Variants in CIMAP2 observed in about 807,000 individuals in gnomAD.
CIMAP2 encodes ciliary microtubule-associated protein 2.
chr1:54,826,194 G>T, the CIMAP2 span, among the ~76,000 whole-genome samples: 1 of 152,322 alleles, frequency 6.6e-6, no homozygotes, highest in African/African-American at 2.4e-5. Flanking sequence ...CAGGTGTGCA[G>T]CAGCTCTGCC....
chr1:54,820,186 C>T, the CIMAP2 span, among the ~76,000 whole-genome samples: 1 of 144,698 alleles, frequency 6.9e-6, no homozygotes, highest in Non-Finnish European at 1.5e-5. Flanking sequence ...TTTCTGCTTT[C>T]TTTCTCTCTC....
the CIMAP2 span, chr1:54,811,765 G>GCCGGGGGGGGGGGCCCCCCCCCCCCC: frequency 2.0e-5 from 26 of 1,301,292 alleles, no homozygotes; most frequent in East Asian, 5.0e-5. Flanking sequence ...GGTTCTGACA[G>GCCGGGGGGGGGGGCCCCCCCCCCCCC]CCTCCATGCC....
chr1:54,834,036 C>T, the CIMAP2 span, among the ~76,000 whole-genome samples: 2 of 152,124 alleles, frequency 1.3e-5, no homozygotes, highest in Admixed American at 6.5e-5. Context: ...TGGGGTTTCA[C>T]CATGTTGGCC....
the CIMAP2 span, chr1:54,807,540 T>C: frequency 6.3e-7 from 1 of 1,578,040 alleles, no homozygotes; most frequent in Non-Finnish European, 8.6e-7. Flanking sequence ...ACATAGGCCC[T>C]GGGACTTACA....
chr1:54,811,765 G>GCCGGGGGGGGCCCCCCCCCCC, the CIMAP2 span: 8 of 1,301,318 alleles, frequency 6.1e-6, no homozygotes, highest in East Asian at 2.5e-5. Flanking sequence ...GGTTCTGACA[G>GCCGGGGGGGGCCCCCCCCCCC]CCTCCATGCC....
chr1:54,825,934 C>T, the CIMAP2 span, among the ~76,000 whole-genome samples: 1 of 152,042 alleles, frequency 6.6e-6, no homozygotes, highest in Non-Finnish European at 1.5e-5. Flanking sequence ...GTCCCTGGGC[C>T]CCTGGGAGAT....
the CIMAP2 span, chr1:54,811,763 C>CCGGGGGGGGGGGGGGGGGGGGG: frequency 7.8e-7 from 1 of 1,280,768 alleles, no homozygotes; most frequent in Non-Finnish European, 1.1e-6. Flanking sequence ...GTGGTTCTGA[C>CCGGGGGGGGGGGGGGGGGGGGG]AGCCTCCATG....
At chr1:54,840,997 G>T in the CIMAP2 span, among the ~76,000 whole-genome samples, 1 of 152,210 alleles carries the variant, frequency 6.6e-6, no homozygotes. Flanking sequence ...CTCAATAGTA[G>T]AAATGAGAAA....
the CIMAP2 span, chr1:54,811,838 A>C: frequency 6.3e-7 from 1 of 1,597,702 alleles, no homozygotes; most frequent in Non-Finnish European, 8.5e-7. Context: ...AGGGTAACCC[A>C]TACACCAAGC....
chr1:54,808,897 A>G, the CIMAP2 span, among the ~76,000 whole-genome samples: 1 of 27,212 alleles, frequency 3.7e-5, no homozygotes, highest in Non-Finnish European at 8.9e-5. Flanking sequence ...AGCCCCTCAT[A>G]TAGGCCATGC....
At chr1:54,832,322 A>G in the CIMAP2 span, among the ~76,000 whole-genome samples, 1 of 152,078 alleles carries the variant, frequency 6.6e-6, no homozygotes, top group Non-Finnish European at 1.5e-5. Context: ...GAACATTTAT[A>G]AAAATTGATC....
At chr1:54,837,037 C>T in the CIMAP2 span, among the ~76,000 whole-genome samples, 1 of 152,052 alleles carries the variant, frequency 6.6e-6, no homozygotes, top group Non-Finnish European at 1.5e-5. Context: ...TTTGCCTTCT[C>T]ATATCTGAAT....
the CIMAP2 span, among the ~76,000 whole-genome samples, chr1:54,820,599 TC>T: frequency 6.6e-6 from 1 of 152,152 alleles, no homozygotes; most frequent in Non-Finnish European, 1.5e-5. Context: ...ATTTGTTACT[TC>T]TTGTCTTTTT....
chr1:54,836,099 C>T, the CIMAP2 span, among the ~76,000 whole-genome samples: 6 of 151,928 alleles, frequency 3.9e-5, no homozygotes, highest in African/African-American at 4.8e-5. Context: ...CCCCTCAAAC[C>T]CCTCTGCATG....
the CIMAP2 span, chr1:54,811,765 G>GCGGGCGGGGGGGGGGCCCCCCCCC: frequency 7.7e-7 from 1 of 1,301,332 alleles, no homozygotes; most frequent in Non-Finnish European, 1.1e-6. Context: ...GGTTCTGACA[G>GCGGGCGGGGGGGGGGCCCCCCCCC]CCTCCATGCC....
the CIMAP2 span, among the ~76,000 whole-genome samples, chr1:54,829,653 A>G: frequency 2.0e-5 from 3 of 152,154 alleles, no homozygotes; most frequent in Non-Finnish European, 2.9e-5. Context: ...CCATTCCCTC[A>G]CTGAAAATTT....
chr1:54,818,721 A>G, the CIMAP2 span, among the ~76,000 whole-genome samples: 1 of 151,916 alleles, frequency 6.6e-6, no homozygotes, highest in Non-Finnish European at 1.5e-5. Flanking sequence ...CCTCCAAAGT[A>G]GCTGGGATTA....
At chr1:54,807,897 G>A in the CIMAP2 span, 2 of 1,584,958 alleles carry the variant, frequency 1.3e-6, no homozygotes, top group South Asian at 1.2e-5. Flanking sequence ...AGGAGCAAAA[G>A]CTGGGCCCCG....
the CIMAP2 span, chr1:54,841,881 T>C: frequency 3.2e-6 from 5 of 1,551,042 alleles, no homozygotes; most frequent in Non-Finnish European, 4.4e-6. Flanking sequence ...TAAAGCCACA[T>C]GCGAAGGACA....
Sources: allele counts gnomAD v4.1 joint callset (sites outside exome capture counted in the v4.1 genomes callset), GRCh38; gene constraint gnomAD v4.1.1; transcripts MANE v1.5; gene names NCBI Gene and HGNC (gene_info 2026-07-23, HGNC 2026-07-21).